Variants in SGCZ observed in about 807,000 individuals in gnomAD.
SGCZ encodes sarcoglycan zeta.
In SGCZ, 40 loss-of-function variants were observed where a neutral mutation model predicts 41.3. The ratio of observed to expected loss-of-function variants is 0.97; its 90% CI spans 0.75 to 1.26. The LOEUF (loss-of-function observed/expected upper bound fraction) is 1.26, where lower values mean the gene tolerates loss of function less well. Ranked by LOEUF, SGCZ falls within the 50% of genes most tolerant of loss-of-function variation. SGCZ has a pLI of 0.00. For missense variants in SGCZ, 552 were observed against 369.8 expected (o/e 1.49, Z -4.04); for synonymous variants, 206 against 137.5 (o/e 1.50, Z -3.49).
At chr8:15,156,961 A>G (rs1156353515) in intron 1 of SGCZ, among the ~76,000 whole-genome samples, 10 of 150,488 alleles carry the variant, frequency 6.6e-5, no homozygotes, top group African/African-American at 2.4e-4. Context: ...AAAAAAAAAG[A>G]AAAGAAAAAG....
chr8:14,146,867 G>C (rs1367530967), intron 5 of SGCZ, among the ~76,000 whole-genome samples: 1 of 107,952 alleles, frequency 9.3e-6, no homozygotes, highest in Non-Finnish European at 1.9e-5. Context: ...GCGAGACTCC[G>C]TCTCAAAAAA....
At chr8:15,138,714 A>G (rs1808209215) in intron 1 of SGCZ, among the ~76,000 whole-genome samples, 1 of 152,178 alleles carries the variant, frequency 6.6e-6, no homozygotes, top group Non-Finnish European at 1.5e-5. Context: ...GCCATGCTGA[A>G]CTGTGAGTCA....
intron 1 of SGCZ, among the ~76,000 whole-genome samples, chr8:14,655,957 ACCCATC>A (rs1436854027): frequency 1.3e-5 from 2 of 152,068 alleles, no homozygotes; most frequent in African/African-American, 4.8e-5. Context: ...ATTGCTGAAG[ACCCATC>A]CATCGTCTGG....
At chr8:15,027,450 G>T (rs1338939250) in intron 1 of SGCZ, among the ~76,000 whole-genome samples, 1 of 152,056 alleles carries the variant, frequency 6.6e-6, no homozygotes, top group Non-Finnish European at 1.5e-5. Flanking sequence ...ACACTACTAT[G>T]AGAAGATTCC....
intron 1 of SGCZ, among the ~76,000 whole-genome samples, chr8:14,843,004 A>C (rs942727684): frequency 6.6e-6 from 1 of 152,118 alleles, no homozygotes; most frequent in African/African-American, 2.4e-5. Context: ...CCTGAGGTCA[A>C]AGGTTTGAGA....
chr8:14,480,945 TAATG>T (rs890960361), intron 2 of SGCZ, among the ~76,000 whole-genome samples: 7 of 152,072 alleles, frequency 4.6e-5, no homozygotes, highest in African/African-American at 7.2e-5. Flanking sequence ...TGTAAAGACT[TAATG>T]AATGAAGTTA....
chr8:14,970,596 G>T (rs73666954), intron 1 of SGCZ, among the ~76,000 whole-genome samples: 19,395 of 152,074 alleles, frequency 0.13, 3,057 homozygotes, highest in African/African-American at 0.37. Context: ...TATTTCTGCT[G>T]AAAATCGGTT....
intron 1 of SGCZ, among the ~76,000 whole-genome samples, chr8:14,797,481 T>C (rs2119736): frequency 0.076 from 11,554 of 152,262 alleles, 1,364 homozygotes; most frequent in African/African-American, 0.25. Flanking sequence ...ATTTAGGCTA[T>C]CTGGCAGAAG....
chr8:14,730,810 G>A (rs1402277816), intron 1 of SGCZ, among the ~76,000 whole-genome samples: 3 of 151,812 alleles, frequency 2.0e-5, no homozygotes, highest in African/African-American at 7.3e-5. Context: ...ATTACATTTT[G>A]CAATGAACAA....
At chr8:14,753,395 TAAC>T (rs1236986852) in intron 1 of SGCZ, among the ~76,000 whole-genome samples, 3 of 152,192 alleles carry the variant, frequency 2.0e-5, no homozygotes, top group South Asian at 2.1e-4. Flanking sequence ...CAGGTTTTAT[TAAC>T]AACAACATAA....
At chr8:14,972,694 T>C (rs1348519351) in intron 1 of SGCZ, among the ~76,000 whole-genome samples, 4 of 152,220 alleles carry the variant, frequency 2.6e-5, no homozygotes, top group African/African-American at 2.4e-5. Flanking sequence ...CTAAAGTTTA[T>C]GTTATTCATC....
intron 1 of SGCZ, among the ~76,000 whole-genome samples, chr8:15,185,684 T>C (rs935137357): frequency 2.0e-5 from 3 of 152,174 alleles, no homozygotes; most frequent in African/African-American, 7.2e-5. Context: ...TGGACCACAC[T>C]GCTTGAGACA....
intron 1 of SGCZ, among the ~76,000 whole-genome samples, chr8:15,194,254 A>C (rs1474768598): frequency 1.3e-5 from 2 of 151,418 alleles, no homozygotes; most frequent in South Asian, 4.2e-4. Context: ...GGTATAACTC[A>C]TGGAGACTGA....
At chr8:14,443,713 A>G (rs2117377491) in intron 2 of SGCZ, among the ~76,000 whole-genome samples, 1 of 152,322 alleles carries the variant, frequency 6.6e-6, no homozygotes, top group African/African-American at 2.4e-5. Context: ...AAATCCTAGA[A>G]GAAAACCTAG....
At chr8:14,843,910 C>T (rs192050365) in intron 1 of SGCZ, among the ~76,000 whole-genome samples, 2 of 151,800 alleles carry the variant, frequency 1.3e-5, no homozygotes, top group Admixed American at 1.3e-4. Context: ...CTCTGATGAA[C>T]ACTGTACTAT....
chr8:14,831,858 A>C (rs200486800), intron 1 of SGCZ, among the ~76,000 whole-genome samples: 1 of 18,360 alleles, frequency 5.4e-5, no homozygotes, highest in South Asian at 2.0e-3. Flanking sequence ...GTATATAAGT[A>C]TGTATATGTG....
chr8:14,445,756 G>T (rs1233603041), intron 2 of SGCZ, among the ~76,000 whole-genome samples: 1 of 152,170 alleles, frequency 6.6e-6, no homozygotes, highest in South Asian at 2.1e-4. Context: ...ATGTGGCAAG[G>T]GGTCAACTGA....
chr8:14,866,448 A>C (rs1563325130), intron 1 of SGCZ, among the ~76,000 whole-genome samples: 3 of 152,094 alleles, frequency 2.0e-5, no homozygotes, highest in Middle Eastern at 3.2e-3. Context: ...AGAAAGAAAA[A>C]AACACACATC....
intron 2 of SGCZ, among the ~76,000 whole-genome samples, chr8:14,392,956 C>G (rs189348281): frequency 1.2e-4 from 18 of 152,008 alleles, no homozygotes; most frequent in Non-Finnish European, 1.5e-4. Context: ...TTTTATTACA[C>G]TTTGTACTTA....
Sources: gnomAD v4.1 joint callset for allele counts (sites outside exome capture counted in the v4.1 genomes callset) on GRCh38, gnomAD v4.1.1 for gene constraint, MANE v1.5 for transcripts, NCBI Gene and HGNC (gene_info 2026-07-23, HGNC 2026-07-21) for gene names.